L3MBTL3: variants seen among roughly 807,000 people sequenced by gnomAD.
The protein encoded by L3MBTL3 is L3MBTL histone methyl-lysine binding protein 3.
L3MBTL3 carries 27 observed loss-of-function variants against 102.3 expected under a neutral mutation model. The observed-to-expected ratio is 0.26, with a 90% CI of 0.19 to 0.36. L3MBTL3 has a LOEUF of 0.36. L3MBTL3 is among the 10% of genes least tolerant of loss of function. The pLI is 1.00. For missense variants in L3MBTL3, 798 were observed against 955.3 expected, an observed-to-expected ratio of 0.84 and a Z score of 2.17; for synonymous variants, 340 against 320.9, an observed-to-expected ratio of 1.06 and a Z score of -0.64.
intron 22 of L3MBTL3, among the ~76,000 whole-genome samples, chr6:130,135,700 T>G (rs2114458799): frequency 6.6e-6 from 1 of 152,182 alleles, no homozygotes; most frequent in African/African-American, 2.4e-5. Context: ...TCTGGAGGAG[T>G]GAGATAGTTA....
intron 19 of L3MBTL3, among the ~76,000 whole-genome samples, chr6:130,108,231 G>GTTTTTTTTTTTTTTTTTTTT (rs869221525): frequency 1.1e-5 from 1 of 91,054 alleles, no homozygotes; most frequent in African/African-American, 3.9e-5. Context: ...TTTTTTTTTT[G>GTTTTTTTTTTTTTTTTTTTT]TTTTTTTTTT....
chr6:130,125,124 C>T (rs1786509029), intron 20 of L3MBTL3, among the ~76,000 whole-genome samples: 1 of 152,140 alleles, frequency 6.6e-6, no homozygotes, highest in Admixed American at 6.5e-5. Context: ...TGGGGAAGTC[C>T]CACAAGGGAC....
Position 130,071,867 on chromosome 6 carries a change from A to T in L3MBTL3, c.1244+740A>T, listed in dbSNP as rs1782658001. ...ATATATTTAAACATTCAGTAGACAC[A>T]TTGATAATTTCCATTACTTCTCAGA... On this transcript the variant is annotated intron_variant, in intron 13 of 22. Coordinates refer to ENST00000361794, the MANE Select transcript of L3MBTL3 (RefSeq NM_032438.4). 2.0e-5 allele frequency among the ~76,000 whole-genome samples: 3 copies of T among 152,320 alleles called. No individual in the cohort carries two copies. In the South Asian group the frequency reaches 6.2e-4, roughly 32 times the overall value.
intron 6 of L3MBTL3, among the ~76,000 whole-genome samples, chr6:130,051,929 G>C (rs1781122098): frequency 6.6e-6 from 1 of 152,180 alleles, no homozygotes; most frequent in Non-Finnish European, 1.5e-5. Flanking sequence ...GGCATCAGCT[G>C]TAACTGGTAG....
At chr6:130,104,019 C>G (rs1214321158) in intron 18 of L3MBTL3, among the ~76,000 whole-genome samples, 1 of 152,162 alleles carries the variant, frequency 6.6e-6, no homozygotes, top group Non-Finnish European at 1.5e-5. Context: ...CTGCCCTGGT[C>G]CTGGAGGATC....
At chr6:130,046,611 C>A (rs901533226) in intron 3 of L3MBTL3, among the ~76,000 whole-genome samples, 3 of 152,270 alleles carry the variant, frequency 2.0e-5, no homozygotes, top group African/African-American at 7.2e-5. Context: ...TATCCACATG[C>A]AGAAAAAGTT....
At chr6:130,043,197 G>T (rs1233691164) in intron 3 of L3MBTL3, among the ~76,000 whole-genome samples, 1 of 152,170 alleles carries the variant, frequency 6.6e-6, no homozygotes, top group Non-Finnish European at 1.5e-5. Flanking sequence ...CAATCTCTGT[G>T]TCCTAGAGTT....
At chr6:130,060,956 A>G (rs898424167) in intron 10 of L3MBTL3, among the ~76,000 whole-genome samples, 2 of 152,076 alleles carry the variant, frequency 1.3e-5, no homozygotes, top group African/African-American at 4.8e-5. Flanking sequence ...ACTTGTAAGA[A>G]AGTTGGCTTC....
intron 10 of L3MBTL3, among the ~76,000 whole-genome samples, chr6:130,063,510 T>C (rs1782046498): frequency 1.3e-5 from 2 of 152,196 alleles, no homozygotes; most frequent in South Asian, 4.1e-4. Context: ...GTGGAACCAT[T>C]GCTCTTAGGG....
intron 13 of L3MBTL3, among the ~76,000 whole-genome samples, chr6:130,071,887 C>A (rs1466954164): frequency 6.6e-6 from 1 of 152,008 alleles, no homozygotes; most frequent in African/African-American, 2.4e-5. Flanking sequence ...TCCATTACTT[C>A]TCAGATGGGA....
chr6:130,076,184 G>A lies in L3MBTL3; in HGVS notation c.1245-2374G>A, dbSNP rs145270991. ...AGGCAGTGAAGAAGCCAAGTGTCCT[G>A]TATTTCTTCAAATAATCTAAACCAC... On this transcript the variant is annotated intron_variant, in intron 13 of 22. Transcript: ENST00000361794. Among the ~76,000 whole-genome samples, 5 of 152,264 alleles carry A rather than the reference G, an allele frequency of 3.3e-5. No homozygotes were observed. In the East Asian group the frequency reaches 9.6e-4, roughly 29 times the overall value.
intron 14 of L3MBTL3, among the ~76,000 whole-genome samples, chr6:130,079,618 G>A (rs1562292867): frequency 6.6e-6 from 1 of 152,172 alleles, no homozygotes; most frequent in African/African-American, 2.4e-5. Context: ...GAGTAATGAA[G>A]ATTGCCTTTA....
At chr6:130,132,399 G>T (rs761500027) in intron 20 of L3MBTL3, among the ~76,000 whole-genome samples, 1 of 152,168 alleles carries the variant, frequency 6.6e-6, no homozygotes, top group Non-Finnish European at 1.5e-5. Flanking sequence ...TCAGGGTGTT[G>T]GTTACATGGG....
chr6:130,024,334 A>G (rs1779197118), intron 2 of L3MBTL3, among the ~76,000 whole-genome samples: 3 of 152,126 alleles, frequency 2.0e-5, no homozygotes, highest in African/African-American at 4.8e-5. Flanking sequence ...AGTACTATCT[A>G]TTATTATTTT....
At chr6:130,064,548 C>T (rs916838786) in intron 10 of L3MBTL3, among the ~76,000 whole-genome samples, 1 of 152,010 alleles carries the variant, frequency 6.6e-6, no homozygotes, top group Non-Finnish European at 1.5e-5. Flanking sequence ...GAGAATAAGC[C>T]AGGGCTAAGT....
At chr6:130,033,202 GGT>G (rs1172077351) in intron 2 of L3MBTL3, among the ~76,000 whole-genome samples, 1 of 152,124 alleles carries the variant, frequency 6.6e-6, no homozygotes, top group Non-Finnish European at 1.5e-5. Flanking sequence ...ACGGGAGCTG[GGT>G]GAGTCGGGTG....
Position 130,133,655 on chromosome 6 carries a change from A to G in L3MBTL3, c.2136+34A>G. Reference sequence around the variant, plus strand: ...TATTTTCTTTGCTGCCCGACACCAGATACAGGATTACTGGCTTAAGAGGTG... The same window carrying G: ...TATTTTCTTTGCTGCCCGACACCAGGTACAGGATTACTGGCTTAAGAGGTG... On this transcript the variant is annotated intron_variant, in intron 21 of 22. Transcript: ENST00000361794. This position sits in a 1 kb window ranked among gnomAD's most constrained non-coding sequence, Gnocchi z 4.9. 1.2e-6 allele frequency: 2 copies of G among 1,608,052 alleles called. No individual in the cohort carries two copies. The highest frequency in any genetic ancestry group is 2.2e-5 in the East Asian group (1 of 44,764).
chr6:130,135,900 T>C (rs937743132), intron 22 of L3MBTL3, among the ~76,000 whole-genome samples: 4 of 152,172 alleles, frequency 2.6e-5, no homozygotes, highest in African/African-American at 4.8e-5. Context: ...GGGTTTTGAG[T>C]CCTACAAGTA....
chr6:130,128,274 TAAAG>T (rs1470172861), intron 20 of L3MBTL3, among the ~76,000 whole-genome samples: 1 of 152,144 alleles, frequency 6.6e-6, no homozygotes, highest in Non-Finnish European at 1.5e-5. Context: ...CTCTTCCACA[TAAAG>T]GAAGTACAGA....
Sources: allele counts gnomAD v4.1 joint callset (sites outside exome capture counted in the v4.1 genomes callset), GRCh38; gene constraint gnomAD v4.1.1; non-coding constraint Gnocchi (gnomAD v3.1); transcripts MANE v1.5; gene names NCBI Gene and HGNC (gene_info 2026-07-23, HGNC 2026-07-21).